Variants in TECPR1 observed in about 807,000 individuals in gnomAD.
The protein encoded by TECPR1 is tectonin beta-propeller repeat-containing protein 1.
In TECPR1, 122 loss-of-function variants were observed where a neutral mutation model predicts 162.4. The ratio of observed to expected loss-of-function variants is 0.75; its 90% CI spans 0.65 to 0.87. The LOEUF (loss-of-function observed/expected upper bound fraction) is 0.87. Among genes scored for constraint, TECPR1 ranks in the 40% least tolerant of loss-of-function variants. TECPR1 has a pLI of 0.00. For missense variants in TECPR1, 1,432 were observed against 1,618.2 expected (o/e 0.88, Z 1.97); for synonymous variants, 642 against 670.6 (o/e 0.96, Z 0.66).
chr7:98,222,912 T>C, intron 21 of TECPR1, 78 bp downstream of exon 21: 1 of 1,557,976 alleles, frequency 6.4e-7, no homozygotes, highest in Non-Finnish European at 8.7e-7. Context: ...GGGCTTGTCC[T>C]GAGCAGGGTC....
chr7:98,246,007 C>T lies in TECPR1; in HGVS notation c.140G>A (p.Gly47Asp), dbSNP rs1434665271. The change falls in exon 3 of 26, where the codon GGC becomes GAC. Residue 47 changes from glycine to aspartate, a missense_variant. Coordinates refer to ENST00000447648, the MANE Select transcript of TECPR1 (RefSeq NM_015395.3). ...GTAGACCTGGTTGTCACAGGCAATG[C>T]CCCAGCAGCACTGCGTGGTGGCGCT... ...RVSATTQCCW[G>D]IACDNQVYVY... The T allele has an allele frequency of 1.2e-6, 2 of 1,603,724 alleles. No homozygotes were observed. Among genetic ancestry groups the T allele is most frequent in the Non-Finnish European group, 1.7e-6 (2 of 1,175,868 alleles).
chr7:98,220,880 T>A (rs1798123988), intron 23 of TECPR1, among the ~76,000 whole-genome samples: 1 of 140,094 alleles, frequency 7.1e-6, no homozygotes, highest in Admixed American at 7.8e-5. Flanking sequence ...TTAGTAGAGA[T>A]GGGTTTCACT....
intron 17 of TECPR1, among the ~76,000 whole-genome samples, chr7:98,225,560 G>A (rs973576728): frequency 1.1e-4 from 17 of 151,760 alleles, no homozygotes; most frequent in African/African-American, 4.1e-4. Context: ...AAGGCGGGGG[G>A]AGGGGGGAAA....
At chr7:98,245,854 G>C in intron 3 of TECPR1, 68 bp downstream of exon 3, 1 of 1,403,362 alleles carries the variant, frequency 7.1e-7, no homozygotes. Context: ...CCCTTCTGTG[G>C]TTCATCATTT....
At position 98,225,037 on chromosome 7, in the gene TECPR1, C is replaced by T; in HGVS notation, c.2579G>A (p.Gly860Asp). The change falls in exon 18 of 26, where the codon GGC (glycine) becomes GAC (aspartate). Residue 860 changes from glycine to aspartate, a missense_variant. Coordinates refer to ENST00000447648, the MANE Select transcript of TECPR1 (RefSeq NM_015395.3). ...CCACTGCAGGGACGGGGGCTTCGTGCCAGCCTTCGTGCACTCCTGCAGCCC... is the reference window on the plus strand; with the variant it reads ...CCACTGCAGGGACGGGGGCTTCGTGTCAGCCTTCGTGCACTCCTGCAGCCC... ...ASGLQECTKAGTKPPSLQWAW... is the reference protein window; with the variant it reads ...ASGLQECTKADTKPPSLQWAW... 6.4e-7 allele frequency: 1 copy of T among 1,558,280 alleles called. No individual in the cohort carries two copies. The highest frequency in any genetic ancestry group is 8.7e-7 in the Non-Finnish European group (1 of 1,153,620).
intron 17 of TECPR1, 139 bp downstream of exon 17, chr7:98,227,875 A>G: frequency 3.2e-6 from 2 of 618,416 alleles, no homozygotes; most frequent in South Asian, 3.7e-5. Context: ...GTGAGCGGTA[A>G]GATCCGGTTA....
chr7:98,236,800 G>T lies in TECPR1; in HGVS notation c.1157C>A (p.Ser386Tyr). 6.3e-7 allele frequency: 1 copy of T among 1,592,056 alleles called. No homozygotes were observed. ...IAARECDRSHSGSSSSLLSAG... is the reference protein window; with the variant it reads ...IAARECDRSHYGSSSSLLSAG... ...CCTGAGGAGACTAGACGAGCTGCCA[G>T]AGTGTGACCGGTCACACTCTCGGGC... The change falls in exon 10 of 26, where the codon TCT becomes TAT. Residue 386 changes from serine to tyrosine, a missense_variant. Coordinates refer to ENST00000447648, the MANE Select transcript of TECPR1 (RefSeq NM_015395.3).
intron 17 of TECPR1, 98 bp downstream of exon 17, chr7:98,227,916 T>A: frequency 2.2e-6 from 2 of 909,706 alleles, no homozygotes; most frequent in South Asian, 2.8e-5. Context: ...CACCAGGCTC[T>A]ACTGGACTCC....
rs114079399 is a variant in TECPR1, at chr7:98,241,389, C to G, written c.658-145G>C. On this transcript the variant is annotated intron_variant, in intron 6 of 25. Transcript: ENST00000447648. The surrounding 1 kb of genome is among the most constrained non-coding windows in gnomAD (Gnocchi z 5.0). ...TGCCCCCTACCCCGGCCAAAAAACG[C>G]AAACCCTGGATTCCGGTGGTCCTGA... The G allele has an allele frequency of 2.0e-4, 185 of 946,232 alleles. No individual in the cohort carries two copies. In the African/African-American group the frequency reaches 2.9e-3, roughly 15 times the overall value. The allele number at this position is 946,232 out of a possible 1,614,324, so 58.6% of individuals were successfully genotyped here. A position where few individuals can be genotyped will look rare whatever the true frequency, so the allele number is the denominator to read the frequency against.
chr7:98,248,533 CAAAAAAAAAA>C (rs60387349), intron 2 of TECPR1, among the ~76,000 whole-genome samples: 190 of 9,616 alleles, frequency 0.02, 2 homozygotes, highest in Non-Finnish European at 0.029. Flanking sequence ...CTGCCACCGG[CAAAAAAAAAA>C]AAAAAAAAAA....
At chr7:98,244,419 T>A (rs1017897373) in intron 5 of TECPR1, among the ~76,000 whole-genome samples, 152 bp downstream of exon 5, 9 of 152,204 alleles carry the variant, frequency 5.9e-5, no homozygotes, top group Non-Finnish European at 7.3e-5. Context: ...AGTGTCGTGG[T>A]GTTCCCGGGA....
At chr7:98,224,081 C>T (rs1200181154) in intron 19 of TECPR1, among the ~76,000 whole-genome samples, 1 of 152,150 alleles carries the variant, frequency 6.6e-6, no homozygotes, top group Non-Finnish European at 1.5e-5. Flanking sequence ...CCCCAGGCCC[C>T]ATCAGAGCCC....
rs1371056368 is a variant in TECPR1 at position 98,233,725 on chromosome 7, A to G, written c.1368T>C (p.Asp456=). 1 of 1,611,944 alleles carries G rather than the reference A, an allele frequency of 6.2e-7. No individual in the cohort carries two copies. The highest frequency in any genetic ancestry group is 1.7e-5 in the Admixed American group (1 of 59,934). Residue 456 remains aspartate (D), a synonymous_variant, in exon 11 of 26, where the codon GAT becomes GAC. Transcript: ENST00000447648. ...CGGCTGGGCAGGCATCTTCCACGGT[A>G]TCTTCTGCGGTCCTGCCAGCCCCCA... ...SGLGAGRTAE[D]TVEDACPAEG...
chr7:98,217,855 G>A, intron 24 of TECPR1, 44 bp from the exon 25 acceptor site: 1 of 1,541,904 alleles, frequency 6.5e-7, no homozygotes, highest in Non-Finnish European at 8.8e-7. Context: ...ACCTGCAGTG[G>A]GACGGCTGGG....
At chr7:98,230,097 A>G (rs1798384724) in intron 15 of TECPR1, among the ~76,000 whole-genome samples, 1 of 151,320 alleles carries the variant, frequency 6.6e-6, no homozygotes, top group African/African-American at 2.4e-5. Flanking sequence ...CCTGGGCTCA[A>G]GTGATCTTCC....
Position 98,231,099 on chromosome 7 carries a change from G to C in TECPR1, c.2144C>G (p.Ser715Cys), listed in dbSNP as rs2116570140. The C allele has an allele frequency of 6.2e-7, 1 of 1,603,112 alleles. No individual in the cohort carries two copies. Among genetic ancestry groups the C allele is most frequent in the Non-Finnish European group, 8.5e-7 (1 of 1,175,824 alleles). The change falls in exon 15 of 26, where the codon TCT becomes TGT. Residue 715 changes from serine to cysteine, a missense_variant. Physicochemically the swap from Ser to Cys is moderately radical, Grantham distance 112. Transcript: ENST00000447648. ...MNDWLALLSL[S>C]CCESRKVQGR... ...CTGCACCTTCCGGCTCTCGCAGCAA[G>C]ACAGGCTGAGCAGGGCGAGCTGGTG...
At chr7:98,239,416 G>A in intron 8 of TECPR1, among the ~76,000 whole-genome samples, 1 of 152,176 alleles carries the variant, frequency 6.6e-6, no homozygotes, top group East Asian at 1.9e-4. Flanking sequence ...CTAGTCAGGT[G>A]TGGTGGTACA....
intron 5 of TECPR1, among the ~76,000 whole-genome samples, 153 bp from the exon 6 acceptor site, chr7:98,243,745 G>C (rs1009717813): frequency 3.3e-5 from 5 of 152,184 alleles, no homozygotes; most frequent in Non-Finnish European, 7.3e-5. Context: ...AGGACTGTGG[G>C]GGCCCCTGCC....
At chr7:98,223,312 A>G (rs1019222614) in intron 20 of TECPR1, 142 bp from the exon 21 acceptor site, 1 of 447,778 alleles carries the variant, frequency 2.2e-6, no homozygotes, top group Non-Finnish European at 3.5e-6. Flanking sequence ...CCTCCTCCCC[A>G]CCCCCACCCC....
Sources: gnomAD v4.1 joint callset for allele counts (sites outside exome capture counted in the v4.1 genomes callset) on GRCh38, gnomAD v4.1.1 for gene constraint, Gnocchi (gnomAD v3.1) non-coding constraint, MANE v1.5 for transcripts, NCBI Gene and HGNC (gene_info 2026-07-23, HGNC 2026-07-21) for gene names.